TCERG1: variants seen among roughly 807,000 people sequenced by gnomAD.
TCERG1 encodes TATA box binding protein (TBP)-associated factor, RNA polymerase II, S, 150kD.
A neutral mutation model predicts 144.7 loss-of-function variants in TCERG1; 37 were observed. The observed-to-expected ratio is 0.26, with a 90% CI of 0.20 to 0.34. The LOEUF is 0.34. TCERG1 is among the 10% of genes least tolerant of loss of function. TCERG1 has a pLI of 1.00. For missense variants in TCERG1, 1,027 were observed against 1,380.7 expected (o/e 0.74, Z 4.06); for synonymous variants, 492 against 458.2 (o/e 1.07, Z -0.94).
chr5:146,468,732 A>C (rs1477345353), intron 6 of TCERG1, among the ~76,000 whole-genome samples: 1 of 152,204 alleles, frequency 6.6e-6, no homozygotes, highest in Non-Finnish European at 1.5e-5. Flanking sequence ...ATATAAAAAA[A>C]CATTTCCATG....
rs751839048 is a variant in TCERG1 at position 146,463,717 on chromosome 5, A to G, written c.1059A>G (p.Thr353=). ...CTCATTCAGTACCTCAGCCAACAACAGCAATACCTGCTTTTCCACCAGTAA... is the reference window on the plus strand; with the variant it reads ...CTCATTCAGTACCTCAGCCAACAACGGCAATACCTGCTTTTCCACCAGTAA... ...AVPHSVPQPT[T]AIPAFPPVMV... is the part of the protein sequence containing the mutation. The change falls in exon 5 of 23, where the codon ACA becomes ACG. Residue 353 remains threonine, a synonymous_variant. Coordinates refer to ENST00000679501, the MANE Select transcript of TCERG1 (RefSeq NM_001382548.1). 54 of 1,614,076 alleles carry G rather than the reference A, an allele frequency of 3.3e-5. No homozygotes were observed. Among genetic ancestry groups the G allele is most frequent in the Non-Finnish European group, 4.5e-5 (53 of 1,180,042 alleles).
Position 146,478,647 on chromosome 5 carries a change from A to G in TCERG1, c.1756A>G (p.Lys586Glu). 1 of 1,578,606 alleles carries G rather than the reference A, an allele frequency of 6.3e-7. No individual in the cohort carries two copies. The highest frequency in any genetic ancestry group is 8.6e-7 in the Non-Finnish European group (1 of 1,169,144). The change falls in exon 10 of 23, where the codon AAA becomes GAA. Residue 586 changes from lysine (K) to glutamate (E), a missense_variant. Physicochemically the swap from Lys to Glu is moderately conservative, Grantham distance 56. Around this residue, in one of 6 missense-constraint regions of TCERG1, gnomAD observed 482 missense variants for 632.6 expected, o/e 0.76. Transcript: ENST00000679501. ...PHKKGMEELK[K>E]LRHPTPTMLS... The stretch of plus-strand genomic sequence containing the variant: ...TAAAAAAGGAATGGAGGAATTGAAG[A>G]AACTAAGTAAGTTTTAAATTAGGAA...
At chr5:146,504,280 CATT>C in intron 19 of TCERG1, 1 of 268,760 alleles carries the variant, frequency 3.7e-6, no homozygotes, top group Non-Finnish European at 6.9e-6. Context: ...TGATGAAAGT[CATT>C]GTAAACTATT....
At chr5:146,479,797 A>G in intron 10 of TCERG1, 58 bp from the exon 11 acceptor site, 1 of 1,575,952 alleles carries the variant, frequency 6.3e-7, no homozygotes, top group Non-Finnish European at 8.7e-7. Flanking sequence ...TTTAAAAAGA[A>G]AAGTTTGTGA....
chr5:146,491,380 G>A (rs748647174), intron 15 of TCERG1, among the ~76,000 whole-genome samples: 13 of 152,040 alleles, frequency 8.6e-5, no homozygotes, highest in Admixed American at 7.2e-4. Context: ...GCCCCCAGGA[G>A]ACATTTTTGT....
intron 14 of TCERG1, 88 bp downstream of exon 14, chr5:146,482,815 G>A: frequency 7.1e-7 from 1 of 1,403,096 alleles, no homozygotes; most frequent in Non-Finnish European, 9.4e-7. Flanking sequence ...TAAGGTTAGT[G>A]CTCATGTTAT....
chr5:146,494,945 T>C (rs943799272), intron 16 of TCERG1, among the ~76,000 whole-genome samples: 1 of 152,212 alleles, frequency 6.6e-6, no homozygotes, highest in Admixed American at 6.5e-5. Flanking sequence ...AAAGTAGTTT[T>C]TTCACAGTTA....
chr5:146,471,374 T>C (rs1764280830), intron 8 of TCERG1, 114 bp from the exon 9 acceptor site: 16 of 893,994 alleles, frequency 1.8e-5, no homozygotes, highest in Non-Finnish European at 2.7e-5. Flanking sequence ...TCTCCTCTTA[T>C]TCTAGCAGCA....
At chr5:146,500,963 G>A (rs898206381) in intron 17 of TCERG1, among the ~76,000 whole-genome samples, 4 of 149,168 alleles carry the variant, frequency 2.7e-5, no homozygotes, top group African/African-American at 9.9e-5. Context: ...AGTTTTGATG[G>A]TTCCACTGCA....
At chr5:146,495,015 CTT>C (rs1331633494) in intron 16 of TCERG1, among the ~76,000 whole-genome samples, 1 of 152,092 alleles carries the variant, frequency 6.6e-6, no homozygotes, top group African/African-American at 2.4e-5. Flanking sequence ...TCACTTCTGT[CTT>C]TTCTCATAAA....
chr5:146,470,364 A>G (rs1764178897), intron 7 of TCERG1, among the ~76,000 whole-genome samples: 1 of 152,182 alleles, frequency 6.6e-6, no homozygotes, highest in Non-Finnish European at 1.5e-5. Flanking sequence ...AGCAAAATGA[A>G]TGATTGCTAC....
chr5:146,503,193 T>C (rs532529688), intron 17 of TCERG1, 182 bp from the exon 18 acceptor site: 41 of 447,386 alleles, frequency 9.2e-5, no homozygotes, highest in African/African-American at 7.6e-4. Flanking sequence ...TTTACATTTC[T>C]AGTAAAAGAA....
chr5:146,490,586 C>G (rs186622749), intron 15 of TCERG1, among the ~76,000 whole-genome samples: 1 of 152,300 alleles, frequency 6.6e-6, no homozygotes, highest in Non-Finnish European at 1.5e-5. Flanking sequence ...GTATGTAGCT[C>G]TCTTAGTCCC....
At chr5:146,482,408 A>C (rs1765438387) in intron 13 of TCERG1, 184 bp from the exon 14 acceptor site, 3 of 446,156 alleles carry the variant, frequency 6.7e-6, no homozygotes, top group Non-Finnish European at 7.8e-6. Context: ...AGCCCATTTT[A>C]ATTTTGTTAT....
intron 17 of TCERG1, among the ~76,000 whole-genome samples, chr5:146,501,188 T>A (rs923897015): frequency 6.6e-6 from 1 of 152,168 alleles, no homozygotes; most frequent in Non-Finnish European, 1.5e-5. Context: ...GTTACAAAAT[T>A]GACATATTTT....
chr5:146,461,651 T>G (rs1026501363), intron 4 of TCERG1, among the ~76,000 whole-genome samples: 2 of 152,244 alleles, frequency 1.3e-5, no homozygotes, highest in Non-Finnish European at 2.9e-5. Context: ...TGAAATTTGA[T>G]GCCCTTATTT....
At position 146,455,206 on chromosome 5, in the gene TCERG1, T is replaced by G; in HGVS notation, c.210T>G (p.Pro70=). 5 of 1,614,192 alleles carry G rather than the reference T, an allele frequency of 3.1e-6. No individual in the cohort carries two copies. Among genetic ancestry groups the G allele is most frequent in the Non-Finnish European group, 4.2e-6 (5 of 1,180,042 alleles). ...CACCACGGCCGCCCTTTGGACGTCC[T>G]CCTTTTGATCCTAATATGCCGCCAA... is the stretch of plus-strand genomic sequence containing the variant. The part of the protein sequence containing the change: ...PPPPRPPFGR[P]PFDPNMPPMP... The change falls in exon 2 of 23, where the codon CCT becomes CCG. Residue 70 remains proline (P), a synonymous_variant. Transcript: ENST00000679501.
chr5:146,474,384 A>T (rs1764636237), intron 9 of TCERG1, among the ~76,000 whole-genome samples: 1 of 152,224 alleles, frequency 6.6e-6, no homozygotes. Context: ...CTTCTTATGT[A>T]TGAGCAAAGA....
rs753385190 is a variant in TCERG1, at chr5:146,463,753, G to T, written c.1095G>T (p.Pro365=). 1 of 1,614,092 alleles carries T rather than the reference G, an allele frequency of 6.2e-7. No individual in the cohort carries two copies. Among genetic ancestry groups the T allele is most frequent in the South Asian group, 1.1e-5 (1 of 91,076 alleles). Residue 365 remains proline (P), a synonymous_variant, in exon 5 of 23, where the codon CCG becomes CCT. Transcript: ENST00000679501. The part of the protein sequence containing the change: ...IPAFPPVMVP[P]FRVPLPGMPI... The stretch of plus-strand genomic sequence containing the variant: ...CTTTTCCACCAGTAATGGTACCTCC[G>T]TTTCGTGTTCCCCTTCCTGGCATGC...
Sources: allele counts gnomAD v4.1 joint callset (sites outside exome capture counted in the v4.1 genomes callset), GRCh38; gene constraint gnomAD v4.1.1; regional missense constraint gnomAD v4.1.1; transcripts MANE v1.5; gene names NCBI Gene and HGNC (gene_info 2026-07-23, HGNC 2026-07-21).